The following CEP128 variants were observed in gnomAD, a reference collection of about 807,000 sequenced individuals.
The protein encoded by CEP128 is centrosomal protein 128.
A neutral mutation model predicts 156.7 loss-of-function variants in CEP128; 132 were observed. The observed-to-expected ratio is 0.84, with a 90% CI of 0.73 to 0.97. The LOEUF (loss-of-function observed/expected upper bound fraction) is 0.97, where lower values mean the gene tolerates loss of function less well. CEP128 is among the 50% of genes least tolerant of loss of function. The pLI is 0.00. For synonymous variants in CEP128, 469 were observed against 448.9 expected, an observed-to-expected ratio of 1.04 and a Z score of -0.57; for missense variants, 1,252 against 1,281.9, an observed-to-expected ratio of 0.98 and a Z score of 0.36.
At chr14:80,640,242 C>G (rs1014722839) in intron 19 of CEP128, among the ~76,000 whole-genome samples, 1 of 152,062 alleles carries the variant, frequency 6.6e-6, no homozygotes, top group Non-Finnish European at 1.5e-5. Flanking sequence ...TAGGTAGGAC[C>G]AAACCAGAGA....
At chr14:80,580,462 T>A in intron 19 of CEP128, 39 bp from the exon 20 acceptor site, 1 of 1,115,528 alleles carries the variant, frequency 9.0e-7, no homozygotes. Flanking sequence ...AAATACAATG[T>A]AAAAACGAGT....
intron 8 of CEP128, among the ~76,000 whole-genome samples, chr14:80,887,383 A>T (rs1888859216): frequency 6.6e-6 from 1 of 152,128 alleles, no homozygotes; most frequent in Non-Finnish European, 1.5e-5. Flanking sequence ...AGGAAGTGAA[A>T]CACTCCTCAG....
chr14:80,779,709 G>A (rs1187418862), intron 15 of CEP128, among the ~76,000 whole-genome samples: 2 of 152,106 alleles, frequency 1.3e-5, no homozygotes, highest in African/African-American at 4.8e-5. Flanking sequence ...TATAAATCAA[G>A]GGTTTTCCAC....
chr14:80,799,110 G>A (rs527824968), intron 13 of CEP128, among the ~76,000 whole-genome samples: 3 of 152,292 alleles, frequency 2.0e-5, no homozygotes, highest in Admixed American at 2.0e-4. Context: ...TCAGGCTTGT[G>A]TTCAAATCCC....
intron 21 of CEP128, among the ~76,000 whole-genome samples, chr14:80,552,424 C>T (rs1003422427): frequency 6.6e-6 from 1 of 152,140 alleles, no homozygotes; most frequent in Admixed American, 6.5e-5. Context: ...CAGGGGCATG[C>T]TACCCTAGTT....
intron 21 of CEP128, among the ~76,000 whole-genome samples, chr14:80,550,809 A>G (rs548405369): frequency 4.3e-5 from 5 of 117,378 alleles, no homozygotes; most frequent in Admixed American, 3.9e-4. Flanking sequence ...TAAATGTGAA[A>G]TGTAAAAAAA....
chr14:80,603,984 T>C (rs766775943), intron 19 of CEP128, among the ~76,000 whole-genome samples: 3 of 152,212 alleles, frequency 2.0e-5, no homozygotes, highest in Non-Finnish European at 4.4e-5. Flanking sequence ...AAGCTTTTGT[T>C]ACATCTCAAA....
chr14:80,817,191 T>C (rs1253411149), intron 13 of CEP128, among the ~76,000 whole-genome samples: 1 of 152,110 alleles, frequency 6.6e-6, no homozygotes. Flanking sequence ...TAGGTTTCAC[T>C]GAACTATTCC....
chr14:80,933,912 G>A (rs1437621757), intron 2 of CEP128, among the ~76,000 whole-genome samples: 2 of 152,156 alleles, frequency 1.3e-5, no homozygotes, highest in Non-Finnish European at 2.9e-5. Context: ...TAGCTAGAAA[G>A]GAATATTTAT....
At chr14:80,881,716 G>A (rs960896805) in intron 8 of CEP128, among the ~76,000 whole-genome samples, 3 of 151,978 alleles carry the variant, frequency 2.0e-5, no homozygotes, top group African/African-American at 7.2e-5. Context: ...ATTGAAAAAA[G>A]GTCATCAATA....
intron 9 of CEP128, among the ~76,000 whole-genome samples, chr14:80,853,099 T>C (rs915078356): frequency 6.6e-6 from 1 of 151,636 alleles, no homozygotes; most frequent in Non-Finnish European, 1.5e-5. Flanking sequence ...TTAAAATAAA[T>C]AAATAAATAA....
At chr14:80,908,722 G>A (rs964828285) in intron 4 of CEP128, among the ~76,000 whole-genome samples, 4 of 152,218 alleles carry the variant, frequency 2.6e-5, no homozygotes, top group African/African-American at 7.2e-5. Flanking sequence ...CATTTTACAT[G>A]AGAAGTTGTA....
intron 21 of CEP128, among the ~76,000 whole-genome samples, chr14:80,548,149 A>AT (rs1555373622): frequency 6.6e-6 from 1 of 152,124 alleles, no homozygotes; most frequent in Non-Finnish European, 1.5e-5. Flanking sequence ...CATGAAAAAA[A>AT]AATAATAATA....
Position 80,767,415 on chromosome 14 carries a change from A to G in CEP128, c.2377-5802T>C, listed in dbSNP as rs78112363. Among the ~76,000 whole-genome samples, 317 of 152,258 alleles carry G rather than the reference A, an allele frequency of 2.1e-3. 7 individuals carry two copies. The East Asian group carries it at 0.048, about 23-fold the overall frequency. On this transcript the variant is annotated intron_variant, in intron 16 of 24. Coordinates refer to ENST00000555265, the MANE Select transcript of CEP128 (RefSeq NM_152446.5). ...CTCCTTAAACTCAAAACTTGTCTATATATGAAATATCTAGACTGATATCAA... is the reference window on the plus strand; with the variant it reads ...CTCCTTAAACTCAAAACTTGTCTATGTATGAAATATCTAGACTGATATCAA...
intron 19 of CEP128, among the ~76,000 whole-genome samples, chr14:80,618,987 C>T (rs761461400): frequency 2.0e-5 from 3 of 152,150 alleles, no homozygotes; most frequent in Non-Finnish European, 4.4e-5. Flanking sequence ...CTTCCCTGAT[C>T]CAGGGAGATG....
intron 19 of CEP128, among the ~76,000 whole-genome samples, chr14:80,656,294 TATATATATATATATATATATATATATATA>T (rs1895151517): frequency 7.0e-4 from 2 of 2,858 alleles, no homozygotes; most frequent in African/African-American, 2.3e-3. Context: ...TATATATTTA[TATATATATATATATATATATATATATATA>T]TATATATATA....
intron 19 of CEP128, among the ~76,000 whole-genome samples, chr14:80,693,899 G>A (rs909074421): frequency 6.6e-6 from 1 of 152,140 alleles, no homozygotes; most frequent in African/African-American, 2.4e-5. Context: ...TACTGCAATT[G>A]AATAAGAAAC....
At chr14:80,604,559 T>C (rs1014587979) in intron 19 of CEP128, among the ~76,000 whole-genome samples, 6 of 152,156 alleles carry the variant, frequency 3.9e-5, no homozygotes, top group African/African-American at 9.6e-5. Flanking sequence ...CTTCACTACA[T>C]AGACAATATA....
intron 4 of CEP128, among the ~76,000 whole-genome samples, chr14:80,906,956 C>CT (rs1191413972): frequency 6.6e-6 from 1 of 152,152 alleles, no homozygotes; most frequent in Non-Finnish European, 1.5e-5. Flanking sequence ...AACAAGTCAT[C>CT]TATAACTCTT....
Sources: gnomAD v4.1 joint callset for allele counts (sites outside exome capture counted in the v4.1 genomes callset) on GRCh38, gnomAD v4.1.1 for gene constraint, MANE v1.5 for transcripts, NCBI Gene and HGNC (gene_info 2026-07-23, HGNC 2026-07-21) for gene names.